Variants in COL19A1 observed in about 807,000 individuals in gnomAD.
COL19A1 encodes the protein collagen type XIX alpha 1 chain.
COL19A1 carries 159 observed loss-of-function variants against 190.2 expected under a neutral mutation model. That is an observed-to-expected ratio of 0.84 (90% CI 0.73 to 0.95). The LOEUF (loss-of-function observed/expected upper bound fraction) is 0.95. Among genes scored for constraint, COL19A1 ranks in the 40% least tolerant of loss-of-function variants. The pLI is 0.00. For synonymous variants in COL19A1, 509 were observed against 458.9 expected, an observed-to-expected ratio of 1.11 and a Z score of -1.39; for missense variants, 1,418 against 1,431.9, an observed-to-expected ratio of 0.99 and a Z score of 0.16.
intron 34 of COL19A1, among the ~76,000 whole-genome samples, chr6:70,159,423 TACACACAC>T (rs146845787): frequency 6.7e-6 from 1 of 148,802 alleles, no homozygotes; most frequent in Non-Finnish European, 1.5e-5. Flanking sequence ...CACATACACA[TACACACAC>T]ACACACACAC....
chr6:70,025,935 C>T (rs565904585), intron 12 of COL19A1, among the ~76,000 whole-genome samples: 2 of 152,186 alleles, frequency 1.3e-5, no homozygotes, highest in East Asian at 3.9e-4. Flanking sequence ...ACATGTTGAC[C>T]GTTCTGTGTG....
chr6:70,206,812 T>C lies in COL19A1; in HGVS notation c.3224-89T>C, dbSNP rs1365290283. ...ATTTTAAGCAAATGTATCACATAAT[T>C]ATCACAGACTCAGAAAATGGTTCTT... On this transcript the variant is annotated intron_variant, in intron 49 of 50. Transcript: ENST00000620364. The C allele has an allele frequency of 2.0e-5, 22 of 1,084,202 alleles. No individual in the cohort carries two copies. The Admixed American group carries it at 5.8e-4, about 28-fold the overall frequency. The allele number at this position is 1,084,202 out of a possible 1,614,324, so 67.2% of individuals were successfully genotyped here.
intron 41 of COL19A1, among the ~76,000 whole-genome samples, chr6:70,172,347 T>C (rs1379211462): frequency 1.3e-5 from 2 of 152,074 alleles, no homozygotes; most frequent in Non-Finnish European, 2.9e-5. Flanking sequence ...CCCTCCAGTC[T>C]GGAGGAATAA....
In COL19A1 at chr6:69,879,653, A is replaced by C. The variant is rs933117138; in HGVS notation, c.86A>C (p.Lys29Thr). 7 of 1,614,118 alleles carry C rather than the reference A, an allele frequency of 4.3e-6. No homozygotes were observed. The Admixed American group carries it at 5.0e-5, about 12-fold the overall frequency. ...PASTSVTVRDKTEESCPILRI... is the reference protein window; with the variant it reads ...PASTSVTVRDTTEESCPILRI... ...TCCACTTCCGTGACCGTTAGGGACA[A>C]GACAGGTATCCAGGCCAACTCTTTG... is the stretch of plus-strand genomic sequence containing the variant. The change falls in exon 2 of 51, where the codon AAG (lysine) becomes ACG (threonine). Residue 29 changes from lysine (K) to threonine (T), a missense_variant. Coordinates refer to ENST00000620364, the MANE Select transcript of COL19A1 (RefSeq NM_001858.6).
intron 14 of COL19A1, among the ~76,000 whole-genome samples, chr6:70,068,038 C>G (rs1781348663): frequency 6.6e-6 from 1 of 152,044 alleles, no homozygotes; most frequent in Admixed American, 6.6e-5. Context: ...AAAAGCTACT[C>G]TCAACCAAAA....
Position 69,936,921 on chromosome 6 carries a change from T to C in COL19A1, c.873+11T>C. 6.2e-7 allele frequency: 1 copy of C among 1,612,210 alleles called. No individual in the cohort carries two copies. Among genetic ancestry groups the C allele is most frequent in the Non-Finnish European group, 8.5e-7 (1 of 1,178,738 alleles). On this transcript the variant is annotated intron_variant, in intron 8 of 50. Transcript: ENST00000620364. ...TGCATTCCAAACAAGGTATGCTAGT[T>C]TTAATTGGTGCACACTGAAAGCCAC...
At chr6:69,945,082 T>C (rs1773714408) in intron 9 of COL19A1, among the ~76,000 whole-genome samples, 2 of 151,916 alleles carry the variant, frequency 1.3e-5, no homozygotes, top group Admixed American at 1.3e-4. Context: ...CTCAGAGTTT[T>C]ATAAAATATT....
chr6:70,073,187 C>T (rs142708461), intron 15 of COL19A1, among the ~76,000 whole-genome samples: 1,982 of 152,106 alleles, frequency 0.013, 43 homozygotes, highest in African/African-American at 0.046. Context: ...GGGGTTTCAC[C>T]ATGTTGGTCA....
intron 9 of COL19A1, among the ~76,000 whole-genome samples, chr6:69,945,826 C>A (rs900449966): frequency 6.6e-6 from 1 of 151,918 alleles, no homozygotes; most frequent in Admixed American, 6.6e-5. Context: ...CAATATATTT[C>A]TTAATTTCTA....
At chr6:70,097,142 G>A (rs1783325237) in intron 15 of COL19A1, among the ~76,000 whole-genome samples, 1 of 152,018 alleles carries the variant, frequency 6.6e-6, no homozygotes, top group Admixed American at 6.6e-5. Flanking sequence ...AGGGCCAGGT[G>A]TTTATAAATC....
chr6:70,118,192 T>C (rs1006047312), intron 16 of COL19A1, among the ~76,000 whole-genome samples: 4 of 152,232 alleles, frequency 2.6e-5, no homozygotes, highest in African/African-American at 9.6e-5. Flanking sequence ...TCTCCAGCCA[T>C]ATTTCATACC....
intron 34 of COL19A1, among the ~76,000 whole-genome samples, chr6:70,158,450 C>G (rs1354716841): frequency 6.6e-6 from 1 of 152,056 alleles, no homozygotes; most frequent in African/African-American, 2.4e-5. Context: ...CTCTTTGAGA[C>G]TTCTAATTAT....
chr6:70,203,583 G>A (rs1332898723), intron 49 of COL19A1, among the ~76,000 whole-genome samples: 9 of 135,768 alleles, frequency 6.6e-5, no homozygotes, highest in East Asian at 5.2e-4. Context: ...CATGCCCACC[G>A]TAAACAACTA....
At chr6:70,016,710 G>GA (rs1364507649) in intron 11 of COL19A1, among the ~76,000 whole-genome samples, 1 of 151,684 alleles carries the variant, frequency 6.6e-6, no homozygotes, top group Non-Finnish European at 1.5e-5. Context: ...ACTAAAAATG[G>GA]AAAAAAGATT....
intron 2 of COL19A1, among the ~76,000 whole-genome samples, chr6:69,897,315 T>C (rs2149969037): frequency 6.6e-6 from 1 of 152,326 alleles, no homozygotes; most frequent in South Asian, 2.1e-4. Context: ...TGTTTTTCCA[T>C]ATGTGTACCA....
In COL19A1 at chr6:70,138,087, A is replaced by T. The variant is rs1440654874; in HGVS notation, c.1446+340A>T. On this transcript the variant is annotated intron_variant, in intron 19 of 50. Transcript: ENST00000620364. ...CCTAGGTGAGTTGATTCTAGAACCTAAAGTTTAAAATCACAAAGCTCCTCT... is the reference window on the plus strand; with the variant it reads ...CCTAGGTGAGTTGATTCTAGAACCTTAAGTTTAAAATCACAAAGCTCCTCT... 2.0e-5 allele frequency among the ~76,000 whole-genome samples: 3 copies of T among 152,180 alleles called. No homozygotes were observed. The East Asian group carries it at 5.8e-4, about 29-fold the overall frequency.
At chr6:69,895,666 T>A (rs1399654460) in intron 2 of COL19A1, among the ~76,000 whole-genome samples, 3 of 152,196 alleles carry the variant, frequency 2.0e-5, no homozygotes, top group African/African-American at 7.2e-5. Flanking sequence ...AGGCTCCACC[T>A]CAGTGGGCGG....
intron 10 of COL19A1, among the ~76,000 whole-genome samples, chr6:69,960,894 G>A (rs977303990): frequency 2.6e-5 from 4 of 152,108 alleles, no homozygotes; most frequent in East Asian, 1.9e-4. Context: ...GCCTCCCAAA[G>A]TGCTGGGATT....
At chr6:70,064,179 G>C (rs558726820) in intron 14 of COL19A1, among the ~76,000 whole-genome samples, 1 of 152,218 alleles carries the variant, frequency 6.6e-6, no homozygotes, top group East Asian at 1.9e-4. Context: ...AACAAAAAAA[G>C]AGAATTTTAG....
Sources: gnomAD v4.1 joint callset for allele counts (sites outside exome capture counted in the v4.1 genomes callset) on GRCh38, gnomAD v4.1.1 for gene constraint, MANE v1.5 for transcripts, NCBI Gene and HGNC (gene_info 2026-07-23, HGNC 2026-07-21) for gene names.